KCNN2: variants seen among roughly 807,000 people sequenced by gnomAD.
KCNN2 encodes the protein potassium calcium-activated channel subfamily N member 2.
A neutral mutation model predicts 55.5 loss-of-function variants in KCNN2; 24 were observed. That is an observed-to-expected ratio of 0.43 (90% CI 0.31 to 0.61). The LOEUF is 0.61. KCNN2 is among the 20% of genes least tolerant of loss of function. The probability of loss-of-function intolerance (pLI) is 0.08; values close to 1 mark genes in which losing one functional copy is unlikely to be tolerated. For missense variants in KCNN2, 754 were observed against 853.6 expected (o/e 0.88, Z 1.45); for synonymous variants, 431 against 336.1 (o/e 1.28, Z -3.09).
chr5:114,427,326 G>T lies in KCNN2; in HGVS notation c.1637+22470G>T, dbSNP rs79946436. Among the ~76,000 whole-genome samples, 381 of 152,326 alleles carry T rather than the reference G, an allele frequency of 2.5e-3. 4 individuals carry two copies. The highest frequency in any genetic ancestry group is 8.8e-3 in the African/African-American group (366 of 41,572). On this transcript the variant is annotated intron_variant, in intron 3 of 7. Coordinates refer to ENST00000673685, the MANE Select transcript of KCNN2 (RefSeq NM_021614.4). Reference sequence around the variant, plus strand: ...GTTTGATGGGAGTATTCAGACTGCAGGGGAGAAAGAAGACAAGGGAGGAAC... The same window carrying T: ...GTTTGATGGGAGTATTCAGACTGCATGGGAGAAAGAAGACAAGGGAGGAAC...
intron 2 of KCNN2, among the ~76,000 whole-genome samples, chr5:114,292,343 T>G (rs1168439885): frequency 6.6e-6 from 1 of 152,250 alleles, no homozygotes; most frequent in Non-Finnish European, 1.5e-5. Flanking sequence ...TGTAAGTCTT[T>G]AATCCATCTT....
intron 1 of KCNN2, among the ~76,000 whole-genome samples, chr5:114,162,528 C>T (rs1752810577): frequency 6.6e-6 from 1 of 152,222 alleles, no homozygotes; most frequent in Admixed American, 6.5e-5. Flanking sequence ...CTCTTCAAAA[C>T]TGTCAGACAG....
At chr5:114,123,716 G>T (rs1318428811) in intron 1 of KCNN2, among the ~76,000 whole-genome samples, 2 of 152,092 alleles carry the variant, frequency 1.3e-5, no homozygotes, top group African/African-American at 4.8e-5. Context: ...CTTGTCTTCA[G>T]CTTTTTTCAT....
chr5:114,108,389 T>C (rs35304495), intron 1 of KCNN2, among the ~76,000 whole-genome samples: 14,258 of 152,152 alleles, frequency 0.094, 792 homozygotes, highest in Middle Eastern at 0.2. Context: ...CTTTTTTTAA[T>C]TGAGGCACAA....
chr5:114,206,131 TG>T (rs1753763657), intron 1 of KCNN2, among the ~76,000 whole-genome samples: 1 of 152,360 alleles, frequency 6.6e-6, no homozygotes, highest in Admixed American at 6.5e-5. Context: ...TTTTTATTTT[TG>T]TTTTTACAAA....
chr5:114,295,404 C>A (rs894669193), intron 2 of KCNN2, among the ~76,000 whole-genome samples: 2 of 152,184 alleles, frequency 1.3e-5, no homozygotes, highest in East Asian at 3.9e-4. Flanking sequence ...TGGGCAATGG[C>A]AGGCACCCCT....
At chr5:114,195,245 T>C (rs1009557525) in intron 1 of KCNN2, among the ~76,000 whole-genome samples, 4 of 151,844 alleles carry the variant, frequency 2.6e-5, no homozygotes, top group Non-Finnish European at 5.9e-5. Flanking sequence ...AGAATTTTAA[T>C]AGAGATTGAT....
chr5:114,495,796 G>A, intron 7 of KCNN2, 99 bp from the exon 8 acceptor site: 1 of 1,161,980 alleles, frequency 8.6e-7, no homozygotes, highest in Non-Finnish European at 1.2e-6. Flanking sequence ...CTGTTACACT[G>A]AATGCCACCA....
intron 2 of KCNN2, among the ~76,000 whole-genome samples, chr5:114,329,021 T>C (rs993008758): frequency 4.6e-5 from 7 of 152,236 alleles, no homozygotes; most frequent in Admixed American, 2.0e-4. Context: ...ATTCCTTACA[T>C]TGAATGTTCC....
chr5:114,272,304 TC>T (rs1444449961), intron 2 of KCNN2, among the ~76,000 whole-genome samples: 1 of 58,836 alleles, frequency 1.7e-5, no homozygotes, highest in Admixed American at 2.0e-4. Context: ...TATGTACATA[TC>T]ACACACACAC....
intron 2 of KCNN2, among the ~76,000 whole-genome samples, chr5:114,261,547 A>C (rs1580670386): frequency 3.3e-5 from 5 of 152,114 alleles, no homozygotes. Flanking sequence ...ACCTTACCAC[A>C]CTTAAGGGAA....
intron 3 of KCNN2, among the ~76,000 whole-genome samples, chr5:114,438,985 C>T (rs944677713): frequency 6.6e-6 from 1 of 152,084 alleles, no homozygotes; most frequent in Admixed American, 6.6e-5. Context: ...CATATTTTAA[C>T]TGTAAATTTA....
intron 6 of KCNN2, among the ~76,000 whole-genome samples, chr5:114,493,073 G>A (rs1747938806): frequency 6.6e-6 from 1 of 152,122 alleles, no homozygotes; most frequent in South Asian, 2.1e-4. Flanking sequence ...CTATGTCTAT[G>A]TGTCATGATA....
intron 1 of KCNN2, among the ~76,000 whole-genome samples, chr5:114,159,547 T>G (rs1752718432): frequency 6.6e-6 from 1 of 152,216 alleles, no homozygotes; most frequent in African/African-American, 2.4e-5. Context: ...TCCCTCTTTT[T>G]CTATTGATTG....
chr5:114,188,272 G>A (rs920920654), intron 1 of KCNN2, among the ~76,000 whole-genome samples: 3 of 152,172 alleles, frequency 2.0e-5, no homozygotes, highest in African/African-American at 7.2e-5. Context: ...TCTTGAGGAG[G>A]TAAGAGAAAT....
intron 1 of KCNN2, among the ~76,000 whole-genome samples, chr5:114,144,120 A>G (rs1049336386): frequency 2.6e-5 from 4 of 152,194 alleles, no homozygotes; most frequent in African/African-American, 9.6e-5. Context: ...GCTTATGTCT[A>G]AACTTAAATT....
chr5:114,111,758 C>T (rs1751602753), intron 1 of KCNN2, among the ~76,000 whole-genome samples: 1 of 152,180 alleles, frequency 6.6e-6, no homozygotes, highest in Non-Finnish European at 1.5e-5. Context: ...CAGACAAATG[C>T]AAATCAAAAC....
At chr5:114,151,401 C>G (rs1171229291) in intron 1 of KCNN2, among the ~76,000 whole-genome samples, 2 of 152,148 alleles carry the variant, frequency 1.3e-5, no homozygotes, top group African/African-American at 4.8e-5. Flanking sequence ...CACTCCAGCT[C>G]CCTTCCTTCC....
At chr5:114,417,338 C>T (rs1323599473) in intron 3 of KCNN2, among the ~76,000 whole-genome samples, 1 of 152,134 alleles carries the variant, frequency 6.6e-6, no homozygotes, top group Non-Finnish European at 1.5e-5. Flanking sequence ...AATCTGCCTA[C>T]TGTGCTTTCT....
Sources: gnomAD v4.1 joint callset for allele counts (sites outside exome capture counted in the v4.1 genomes callset) on GRCh38, gnomAD v4.1.1 for gene constraint, MANE v1.5 for transcripts, NCBI Gene and HGNC (gene_info 2026-07-23, HGNC 2026-07-21) for gene names.